ANO6: variants seen among roughly 807,000 people sequenced by gnomAD.
The protein encoded by ANO6 is anoctamin 6.
In ANO6, 106 loss-of-function variants were observed where a neutral mutation model predicts 117.5. The ratio of observed to expected loss-of-function variants is 0.90; its 90% CI spans 0.77 to 1.06. ANO6 has a LOEUF of 1.06. ANO6 is among the 50% of genes least tolerant of loss of function. The pLI, the probability that ANO6 is intolerant of heterozygous loss-of-function variation, is 0.00. For synonymous variants in ANO6, 367 were observed against 385.1 expected (o/e 0.95, Z 0.55); for missense variants, 955 against 1,121.1 (o/e 0.85, Z 2.12).
intron 1 of ANO6, among the ~76,000 whole-genome samples, chr12:45,225,983 T>C (rs1947477140): frequency 6.6e-6 from 1 of 152,256 alleles, no homozygotes; most frequent in Admixed American, 6.5e-5. Flanking sequence ...GCCAAATGAT[T>C]GTCTTATGAC....
intron 9 of ANO6, among the ~76,000 whole-genome samples, chr12:45,376,500 C>T: frequency 7.7e-6 from 1 of 129,820 alleles, no homozygotes; most frequent in Non-Finnish European, 1.6e-5. Flanking sequence ...GGCACATATA[C>T]ACCATGGAAT....
chr12:45,424,998 G>A (rs190962907), intron 19 of ANO6, among the ~76,000 whole-genome samples: 2 of 152,134 alleles, frequency 1.3e-5, no homozygotes, highest in East Asian at 3.9e-4. Flanking sequence ...AACTGATTTG[G>A]ACCCTCAGTA....
intron 9 of ANO6, among the ~76,000 whole-genome samples, chr12:45,373,947 AATAG>A (rs1413303550): frequency 1.4e-4 from 22 of 152,234 alleles, no homozygotes; most frequent in East Asian, 3.8e-4. Context: ...AGATCAACAA[AATAG>A]ATAGACCACT....
At chr12:45,226,443 T>G (rs946278193) in intron 1 of ANO6, among the ~76,000 whole-genome samples, 1 of 148,712 alleles carries the variant, frequency 6.7e-6, no homozygotes, top group African/African-American at 2.5e-5. Context: ...AAAGGGACAT[T>G]GGCACTTAAA....
chr12:45,279,540 C>G (rs1393904299), intron 1 of ANO6, among the ~76,000 whole-genome samples: 1 of 152,198 alleles, frequency 6.6e-6, no homozygotes, highest in African/African-American at 2.4e-5. Context: ...TTTGATCACA[C>G]TTCTGAAACA....
At chr12:45,239,078 C>T (rs1054700792) in intron 1 of ANO6, among the ~76,000 whole-genome samples, 4 of 152,072 alleles carry the variant, frequency 2.6e-5, no homozygotes, top group African/African-American at 9.7e-5. Context: ...GGAGGATTCC[C>T]TCTTTTTCTA....
intron 3 of ANO6, among the ~76,000 whole-genome samples, chr12:45,332,210 C>T (rs775958169): frequency 4.6e-5 from 7 of 151,928 alleles, no homozygotes; most frequent in East Asian, 1.9e-4. Context: ...ATATGTGTTA[C>T]TTTCACCCAC....
At chr12:45,379,879 T>A (rs545378509) in intron 10 of ANO6, among the ~76,000 whole-genome samples, 2 of 152,238 alleles carry the variant, frequency 1.3e-5, no homozygotes, top group African/African-American at 4.8e-5. Context: ...TGTATATTTT[T>A]AAGGATATGT....
At chr12:45,353,260 T>G (rs1213214362) in intron 7 of ANO6, among the ~76,000 whole-genome samples, 3 of 152,200 alleles carry the variant, frequency 2.0e-5, no homozygotes, top group Non-Finnish European at 2.9e-5. Context: ...GTCATTCATT[T>G]TTATCACCGA....
intron 1 of ANO6, among the ~76,000 whole-genome samples, chr12:45,239,976 G>C (rs1406078693): frequency 3.3e-5 from 5 of 152,268 alleles, no homozygotes; most frequent in African/African-American, 4.8e-5. Flanking sequence ...GTGCTATATG[G>C]TGCTGAGAAG....
chr12:45,340,310 C>T (rs1479498404), intron 3 of ANO6, among the ~76,000 whole-genome samples: 2 of 152,064 alleles, frequency 1.3e-5, no homozygotes, highest in Non-Finnish European at 2.9e-5. Context: ...CACCTTGAAC[C>T]TCCAGTACCA....
chr12:45,266,521 A>T (rs1036485172), intron 1 of ANO6, among the ~76,000 whole-genome samples: 6 of 152,118 alleles, frequency 3.9e-5, no homozygotes, highest in African/African-American at 7.2e-5. Context: ...TATTACTGTG[A>T]CACTTTCCCT....
chr12:45,219,272 A>C (rs557651243), intron 1 of ANO6, among the ~76,000 whole-genome samples: 12 of 152,190 alleles, frequency 7.9e-5, no homozygotes, highest in African/African-American at 2.9e-4. Flanking sequence ...GCCCTCTAGT[A>C]GCTGGAATTT....
chr12:45,286,199 C>T (rs75629008), intron 1 of ANO6, among the ~76,000 whole-genome samples: 2,670 of 152,270 alleles, frequency 0.018, 57 homozygotes, highest in East Asian at 0.085. Context: ...GAGATCTCCT[C>T]GTGTTGCCTA....
chr12:45,229,462 T>A (rs935462523), intron 1 of ANO6, among the ~76,000 whole-genome samples: 3 of 146,602 alleles, frequency 2.0e-5, no homozygotes, highest in African/African-American at 7.5e-5. Context: ...TGATCTCAGC[T>A]CACTGCAACC....
At chr12:45,401,465 CTCT>C (rs1175175456) in intron 12 of ANO6, among the ~76,000 whole-genome samples, 2 of 151,784 alleles carry the variant, frequency 1.3e-5, no homozygotes, top group Admixed American at 6.5e-5. Flanking sequence ...TCTGAAGATA[CTCT>C]TTTTTAAATA....
At chr12:45,386,237 T>C (rs1942294955) in intron 10 of ANO6, among the ~76,000 whole-genome samples, 1 of 152,194 alleles carries the variant, frequency 6.6e-6, no homozygotes, top group Non-Finnish European at 1.5e-5. Flanking sequence ...AATGGTCTTA[T>C]TCTCTCATGG....
chr12:45,229,214 C>T (rs1947535141), intron 1 of ANO6, among the ~76,000 whole-genome samples: 1 of 152,042 alleles, frequency 6.6e-6, no homozygotes, highest in Non-Finnish European at 1.5e-5. Context: ...TATAGATAGC[C>T]TCACCTTAAT....
chr12:45,397,906 A>C (rs1942670406), intron 12 of ANO6, among the ~76,000 whole-genome samples: 1 of 152,188 alleles, frequency 6.6e-6, no homozygotes, highest in Admixed American at 6.5e-5. Context: ...TGGGTGCAGC[A>C]AACCAACATG....
Sources: allele counts gnomAD v4.1 joint callset (sites outside exome capture counted in the v4.1 genomes callset), GRCh38; gene constraint gnomAD v4.1.1; transcripts MANE v1.5; gene names NCBI Gene and HGNC (gene_info 2026-07-23, HGNC 2026-07-21).